The following ITGA1 variants were observed in gnomAD, a reference collection of about 807,000 sequenced individuals.
ITGA1 encodes integrin alpha-1.
A neutral mutation model predicts 145.9 loss-of-function variants in ITGA1; 85 were observed. That is an observed-to-expected ratio of 0.58 (90% confidence interval 0.49 to 0.70). The LOEUF is 0.70. ITGA1 is among the 30% of genes least tolerant of loss of function. The pLI is 0.00. For synonymous variants in ITGA1, 520 were observed against 495.3 expected (o/e 1.05, Z -0.66); for missense variants, 1,351 against 1,418.7 (o/e 0.95, Z 0.77).
intron 1 of ITGA1, among the ~76,000 whole-genome samples, chr5:52,847,628 C>T (rs1464671206): frequency 6.6e-6 from 1 of 152,218 alleles, no homozygotes; most frequent in African/African-American, 2.4e-5. Flanking sequence ...TCTTGGCTCA[C>T]TGCAACCTCT....
At chr5:52,898,152 T>C in intron 10 of ITGA1, 87 bp from the exon 11 acceptor site, 1 of 817,050 alleles carries the variant, frequency 1.2e-6, no homozygotes, top group Non-Finnish European at 1.8e-6. Flanking sequence ...CTTTGAACAG[T>C]ATACCTATAC....
intron 7 of ITGA1, among the ~76,000 whole-genome samples, chr5:52,887,340 T>A (rs1750070022): frequency 6.6e-6 from 1 of 152,072 alleles, no homozygotes; most frequent in Admixed American, 6.5e-5. Context: ...CTCCCCAGAT[T>A]AGAGGATTTT....
rs1239399950 is a variant in ITGA1, at chr5:52,956,250, G to C, written c.*3799G>C. 2 of 152,142 alleles carry C rather than the reference G, an allele frequency of 1.3e-5. No individual in the cohort carries two copies. The highest frequency in any genetic ancestry group is 4.8e-5 in the African/African-American group (2 of 41,446). 9.4% of individuals were successfully genotyped at this position (152,142 alleles called of 1,614,324 possible). On this transcript the variant is annotated 3_prime_UTR_variant, in exon 29 of 29. Coordinates refer to ENST00000282588, the MANE Select transcript of ITGA1 (RefSeq NM_181501.2). ...CAACACGCTGTAATCTACTCCATGGGAACTGACTGTCCTGCTTTTCACAAC... is the reference window on the plus strand; with the variant it reads ...CAACACGCTGTAATCTACTCCATGGCAACTGACTGTCCTGCTTTTCACAAC...
rs1361323551 is a variant in ITGA1 at position 52,922,759 on chromosome 5, TTA to T, written c.2293-16_2293-15del. On this transcript the variant is annotated splice_polypyrimidine_tract_variant and intron_variant, in intron 17 of 28. Coordinates refer to ENST00000282588, the MANE Select transcript of ITGA1 (RefSeq NM_181501.2). ...GTAAATATGATACCAGTGATATATTTTATGTTTCACCCTCTAGGACAAGCATG... is the reference window on the plus strand; with the variant it reads ...GTAAATATGATACCAGTGATATATTTTGTTTCACCCTCTAGGACAAGCATG... 1 of 1,488,304 alleles carries T rather than the reference TTA, an allele frequency of 6.7e-7. No individual in the cohort carries two copies. The highest frequency in any genetic ancestry group is 2.3e-5 in the East Asian group (1 of 44,238). The allele number at this position is 1,488,304 out of a possible 1,614,324, so 92.2% of individuals were successfully genotyped here.
intron 17 of ITGA1, 27 bp downstream of exon 17, chr5:52,920,495 C>G (rs1750715222): frequency 1.3e-6 from 2 of 1,545,852 alleles, no homozygotes; most frequent in African/African-American, 2.8e-5. Flanking sequence ...TCGTTGCTGC[C>G]TTATTCCAAA....
intron 14 of ITGA1, among the ~76,000 whole-genome samples, chr5:52,912,364 T>C (rs1750570990): frequency 1.4e-5 from 2 of 146,076 alleles, no homozygotes; most frequent in Non-Finnish European, 3.0e-5. Flanking sequence ...ATATATAGTG[T>C]ATCCAGTATA....
intron 18 of ITGA1, 105 bp from the exon 19 acceptor site, chr5:52,925,173 C>A: frequency 1.3e-6 from 1 of 776,390 alleles, no homozygotes; most frequent in Non-Finnish European, 2.2e-6. Context: ...TTATGAGTTG[C>A]TTAACTTACT....
chr5:52,873,974 A>T (rs1192675400), intron 6 of ITGA1, among the ~76,000 whole-genome samples: 1 of 151,968 alleles, frequency 6.6e-6, no homozygotes, highest in East Asian at 1.9e-4. Context: ...TTAATAGATA[A>T]CTCCATTCCT....
At chr5:52,810,335 A>G (rs1748665685) in intron 1 of ITGA1, among the ~76,000 whole-genome samples, 7 of 152,152 alleles carry the variant, frequency 4.6e-5, no homozygotes, top group Admixed American at 4.6e-4. Context: ...CACTAGAAAG[A>G]CCCACCGGGG....
At chr5:52,871,357 G>A (rs2111786898) in intron 6 of ITGA1, among the ~76,000 whole-genome samples, 1 of 152,212 alleles carries the variant, frequency 6.6e-6, no homozygotes, top group Non-Finnish European at 1.5e-5. Context: ...TTTCCATCTA[G>A]GGATAGCAAA....
intron 1 of ITGA1, among the ~76,000 whole-genome samples, chr5:52,848,371 A>G (rs1749371188): frequency 6.6e-6 from 1 of 152,214 alleles, no homozygotes. Context: ...ATTGATGGCC[A>G]TGGTTTTCTG....
intron 1 of ITGA1, among the ~76,000 whole-genome samples, chr5:52,832,903 G>A (rs1054358882): frequency 1.4e-4 from 21 of 150,240 alleles, no homozygotes; most frequent in Non-Finnish European, 1.5e-4. Context: ...CAAAAGCTTT[G>A]AGATTGGGCT....
intron 14 of ITGA1, among the ~76,000 whole-genome samples, chr5:52,913,068 A>G (rs962157733): frequency 6.6e-6 from 1 of 151,974 alleles, no homozygotes; most frequent in East Asian, 1.9e-4. Context: ...TATTTTATAC[A>G]TTTATCTAGT....
intron 2 of ITGA1, among the ~76,000 whole-genome samples, chr5:52,859,945 C>T (rs573183918): frequency 2.2e-4 from 34 of 152,276 alleles, no homozygotes; most frequent in South Asian, 2.1e-4. Flanking sequence ...CACTAAAATA[C>T]GCTGTTGCTC....
At chr5:52,816,603 A>G (rs1290032161) in intron 1 of ITGA1, among the ~76,000 whole-genome samples, 2 of 152,102 alleles carry the variant, frequency 1.3e-5, no homozygotes, top group Non-Finnish European at 2.9e-5. Flanking sequence ...GAATAGGTCC[A>G]CCATTAGCTA....
At chr5:52,944,500 T>C (rs1751105497) in intron 26 of ITGA1, among the ~76,000 whole-genome samples, 1 of 152,200 alleles carries the variant, frequency 6.6e-6, no homozygotes, top group Admixed American at 6.5e-5. Context: ...TATTATTTAC[T>C]TGATAATTTG....
At chr5:52,884,695 A>G (rs945055284) in intron 7 of ITGA1, among the ~76,000 whole-genome samples, 1 of 152,184 alleles carries the variant, frequency 6.6e-6, no homozygotes, top group Non-Finnish European at 1.5e-5. Flanking sequence ...CTGGCTCAAC[A>G]GGATTCTTGC....
chr5:52,930,051 A>G (rs1489862358), intron 21 of ITGA1, among the ~76,000 whole-genome samples: 1 of 152,212 alleles, frequency 6.6e-6, no homozygotes, highest in African/African-American at 2.4e-5. Context: ...TCAAGGTCAA[A>G]TGAATCATTA....
At chr5:52,818,224 G>C (rs969871211) in intron 1 of ITGA1, among the ~76,000 whole-genome samples, 3 of 151,892 alleles carry the variant, frequency 2.0e-5, no homozygotes, top group Non-Finnish European at 2.9e-5. Flanking sequence ...TAGCATCAAG[G>C]CTTGCTGAGT....
Sources: gnomAD v4.1 joint callset for allele counts (sites outside exome capture counted in the v4.1 genomes callset) on GRCh38, gnomAD v4.1.1 for gene constraint, MANE v1.5 for transcripts, NCBI Gene and HGNC (gene_info 2026-07-23, HGNC 2026-07-21) for gene names.